Variants in RUVBL1 observed in about 807,000 individuals in gnomAD.
RUVBL1 encodes ruvB-like 1.
A neutral mutation model predicts 52.4 loss-of-function variants in RUVBL1; 4 were observed. The observed-to-expected ratio is 0.08, with a 90% confidence interval of 0.04 to 0.17. The LOEUF is 0.17. Among genes scored for constraint, RUVBL1 ranks in the 10% least tolerant of loss-of-function variants. The pLI is 1.00. For missense variants in RUVBL1, 298 were observed against 572.8 expected (o/e 0.52, Z 4.90); for synonymous variants, 217 against 214.4 (o/e 1.01, Z -0.10).
chr3:128,151,728 T>C (rs1262434785), intron 1 of RUVBL1, among the ~76,000 whole-genome samples: 1 of 152,122 alleles, frequency 6.6e-6, no homozygotes, highest in Non-Finnish European at 1.5e-5. Flanking sequence ...ACTATCACAC[T>C]GGGGGTCAGG....
Position 128,067,980 on chromosome 3 carries a change from C to T in RUVBL1, c.940-2760G>A, listed in dbSNP as rs750988320. ...CAACTTCTCCCCTGTGGGCACCCTGCAGGTTGCAAAGCAGCTGAAGGAGCA... is the reference window on the plus strand; with the variant it reads ...CAACTTCTCCCCTGTGGGCACCCTGTAGGTTGCAAAGCAGCTGAAGGAGCA... On this transcript the variant is annotated intron_variant, in intron 9 of 9. Coordinates refer to the RUVBL1 transcript ENST00000464873. This position sits in a 1 kb window ranked among gnomAD's most constrained non-coding sequence, Gnocchi z 4.1. 3.1e-6 allele frequency: 5 copies of T among 1,613,642 alleles called. No homozygotes were observed. The South Asian group carries it at 4.4e-5, about 14-fold the overall frequency.
chr3:128,069,449 A>G lies in RUVBL1; in HGVS notation c.940-4229T>C, dbSNP rs754232774. The G allele has an allele frequency of 5.9e-5, 95 of 1,600,484 alleles. No individual in the cohort carries two copies. The South Asian group carries it at 9.8e-4, about 17-fold the overall frequency. On this transcript the variant is annotated intron_variant, in intron 9 of 9. Coordinates refer to the RUVBL1 transcript ENST00000464873. ...CTCACGGGGAGCTCTGTGGGTGTCC[A>G]GGAGCTGACTGTGTCCCCTCCCCCA...
At chr3:128,127,794 C>T (rs534368236), upstream of RUVBL1, among the ~76,000 whole-genome samples, 20 of 152,226 alleles carry the variant, frequency 1.3e-4, no homozygotes, top group African/African-American at 4.8e-4. Flanking sequence ...GTCAGGAGTT[C>T]GAGACCAGCC....
chr3:128,097,554 G>A (rs985481087), intron 7 of RUVBL1, 56 bp from the exon 8 acceptor site: 20 of 1,482,650 alleles, frequency 1.3e-5, no homozygotes, highest in East Asian at 2.3e-5. Flanking sequence ...GGAGACTATC[G>A]CCTTTTCTCC....
At chr3:128,146,310 G>A (rs774560901) in intron 1 of RUVBL1, among the ~76,000 whole-genome samples, 36 of 152,038 alleles carry the variant, frequency 2.4e-4, no homozygotes, top group Non-Finnish European at 4.3e-4. Context: ...GTGCATGTGC[G>A]TGCGTCTGTG....
At chr3:128,149,847 G>T (rs1175633084) in intron 1 of RUVBL1, among the ~76,000 whole-genome samples, 9 of 152,204 alleles carry the variant, frequency 5.9e-5, no homozygotes, top group Non-Finnish European at 1.5e-5. Context: ...TCTGGCTTTG[G>T]CCTCTGGCCA....
At chr3:128,088,980 T>C (rs73210945) in intron 8 of RUVBL1, among the ~76,000 whole-genome samples, 80 of 152,280 alleles carry the variant, frequency 5.3e-4, no homozygotes, top group Non-Finnish European at 9.7e-4. Flanking sequence ...TGAATAACTA[T>C]CCTAATTTAT....
rs905442842 is a variant in RUVBL1 at position 128,113,024 on chromosome 3, C to A, written c.229-4G>T. 1.1e-5 allele frequency: 18 copies of A among 1,612,820 alleles called. No individual in the cohort carries two copies. In the Admixed American group the frequency reaches 2.2e-4, roughly 20 times the overall value. On this transcript the variant is annotated splice_region_variant and splice_polypyrimidine_tract_variant and intron_variant, in intron 2 of 10. Coordinates refer to ENST00000322623, the MANE Select transcript of RUVBL1 (RefSeq NM_003707.3). The stretch of plus-strand genomic sequence containing the variant: ...CAATAGCCAGAGCCAGAGCTGTCTA[C>A]AAAAGAAAGCAACGGAAACACAGTT...
chr3:128,112,264 T>C (rs576093808), intron 3 of RUVBL1, among the ~76,000 whole-genome samples: 7 of 152,238 alleles, frequency 4.6e-5, no homozygotes, highest in Non-Finnish European at 8.8e-5. Flanking sequence ...AAACTACTTC[T>C]GCCACTTACT....
Position 128,082,270 on chromosome 3 carries a change from T to C in RUVBL1, c.1211+213A>G, listed in dbSNP as rs1427469561. On this transcript the variant is annotated intron_variant, in intron 10 of 10. Coordinates refer to ENST00000322623, the MANE Select transcript of RUVBL1 (RefSeq NM_003707.3). This position sits in a 1 kb window ranked among gnomAD's most constrained non-coding sequence, Gnocchi z 4.7. ...AGAGGGGAGCATCTGCTGCAGGACA[T>C]GGGGACTTCACCCTTACTCTAGCTT... 5 of 528,534 alleles carry C rather than the reference T, an allele frequency of 9.5e-6. No homozygotes were observed. In the Admixed American group the frequency reaches 1.7e-4, roughly 18 times the overall value. 32.7% of individuals were successfully genotyped at this position (528,534 alleles called of 1,614,324 possible). A position where few individuals can be genotyped will look rare whatever the true frequency, so the allele number is the denominator to read the frequency against.
At chr3:128,118,249 TG>T (rs1943570822) in intron 2 of RUVBL1, among the ~76,000 whole-genome samples, 1 of 152,218 alleles carries the variant, frequency 6.6e-6, no homozygotes, top group African/African-American at 2.4e-5. Flanking sequence ...TTTAAAAAAC[TG>T]TTCACAATTT....
At chr3:128,108,060 C>CTA (rs1446577993) in intron 3 of RUVBL1, among the ~76,000 whole-genome samples, 1 of 152,200 alleles carries the variant, frequency 6.6e-6, no homozygotes, top group Admixed American at 6.5e-5. Context: ...TGAGCTGGCG[C>CTA]TATCTCTGGC....
At chr3:128,153,736 G>C in exon 1 of RUVBL1, 1 of 1,545,944 alleles carries the variant, frequency 6.5e-7, no homozygotes, top group Non-Finnish European at 8.7e-7. Context: ...AGCGCCCGAG[G>C]CCGAGCCCGA....
upstream of RUVBL1, among the ~76,000 whole-genome samples, chr3:128,124,331 A>G (rs1943747971): frequency 6.6e-6 from 1 of 151,528 alleles, no homozygotes; most frequent in Non-Finnish European, 1.5e-5. Context: ...GTTCCTGCTG[A>G]GTTCAGTTGA....
At chr3:128,148,849 T>C (rs928528284) in intron 1 of RUVBL1, among the ~76,000 whole-genome samples, 1 of 152,226 alleles carries the variant, frequency 6.6e-6, no homozygotes, top group African/African-American at 2.4e-5. Flanking sequence ...TCCCAAGTAG[T>C]GTACAAACAG....
In RUVBL1 at chr3:128,067,230, A is replaced by G. The variant is rs890558200; in HGVS notation, c.940-2010T>C. The G allele has an allele frequency of 1.4e-5, 19 of 1,387,832 alleles. No homozygotes were observed. Among genetic ancestry groups the G allele is most frequent in the Non-Finnish European group, 1.9e-5 (19 of 985,010 alleles). 86.0% of individuals were successfully genotyped at this position (1,387,832 alleles called of 1,614,324 possible). ...CTATCAGTGTCTTGCTCATGAACAGATATTTCATCCAAAGATATTTTCCAT... is the reference window on the plus strand; with the variant it reads ...CTATCAGTGTCTTGCTCATGAACAGGTATTTCATCCAAAGATATTTTCCAT... On this transcript the variant is annotated intron_variant, in intron 9 of 9. Transcript: ENST00000464873. The surrounding 1 kb of genome is among the most constrained non-coding windows in gnomAD (Gnocchi z 4.1).
At chr3:128,129,052 T>C (rs910041206) in intron 1 of RUVBL1, among the ~76,000 whole-genome samples, 2 of 152,204 alleles carry the variant, frequency 1.3e-5, no homozygotes, top group Admixed American at 1.3e-4. Context: ...ATTTCTTTCC[T>C]AGCACAGTTC....
At chr3:128,140,023 A>G (rs1943996206) in intron 1 of RUVBL1, among the ~76,000 whole-genome samples, 1 of 152,086 alleles carries the variant, frequency 6.6e-6, no homozygotes, top group African/African-American at 2.4e-5. Context: ...TAACTAAAAG[A>G]GTATAATTGG....
chr3:128,121,266 T>C (rs907290814), intron 1 of RUVBL1, among the ~76,000 whole-genome samples: 2 of 151,598 alleles, frequency 1.3e-5, no homozygotes, highest in South Asian at 2.1e-4. Flanking sequence ...CGGCTAATTT[T>C]TGTATTTTTA....
Sources: gnomAD v4.1 joint callset for allele counts (sites outside exome capture counted in the v4.1 genomes callset) on GRCh38, gnomAD v4.1.1 for gene constraint, Gnocchi (gnomAD v3.1) non-coding constraint, MANE v1.5 for transcripts, NCBI Gene and HGNC (gene_info 2026-07-23, HGNC 2026-07-21) for gene names.